Variants in UBA52 observed in about 807,000 individuals in gnomAD.
UBA52 encodes ubiquitin-ribosomal protein eL40 fusion protein.
Under a neutral mutation model 15.3 loss-of-function variants are expected in UBA52, and 1 was observed. The observed-to-expected ratio is 0.07, with a 90% confidence interval of 0.02 to 0.31. The LOEUF (loss-of-function observed/expected upper bound fraction) is 0.31. UBA52 is among the 10% of genes least tolerant of loss of function. The probability of loss-of-function intolerance (pLI) is 1.00; values close to 1 mark genes in which losing one functional copy is unlikely to be tolerated. For missense variants in UBA52, 87 were observed against 168.0 expected (o/e 0.52, Z 2.66); for synonymous variants, 50 against 58.3 (o/e 0.86, Z 0.65).
At chr19:18,572,853 C>A in intron 1 of UBA52, 1 of 1,028,660 alleles carries the variant, frequency 9.7e-7, no homozygotes, top group Non-Finnish European at 1.2e-6. Context: ...GATGGCTTCC[C>A]ATCCAGGCTG....
At chr19:18,565,774 G>A in the UBA52 span, among the ~76,000 whole-genome samples, 5 of 152,196 alleles carry the variant, frequency 3.3e-5, no homozygotes, top group East Asian at 7.7e-4. Flanking sequence ...TGCAACCTCC[G>A]CCTCCCAGGT....
chr19:18,566,900 T>C (rs192020139), upstream of UBA52, among the ~76,000 whole-genome samples: 135 of 151,914 alleles, frequency 8.9e-4, 1 homozygote, highest in African/African-American at 2.9e-3. Flanking sequence ...GTCTAACTAG[T>C]TGGGGGTTGG....
At chr19:18,567,338 G>A (rs1975297923), upstream of UBA52, 3 of 712,862 alleles carry the variant, frequency 4.2e-6, no homozygotes, top group Non-Finnish European at 7.4e-6. Flanking sequence ...GTGCTGGCCT[G>A]GTCCTGTCAG....
intron 3 of UBA52, 29 bp downstream of exon 3, chr19:18,573,777 AC>A: frequency 6.2e-7 from 1 of 1,606,424 alleles, no homozygotes; most frequent in Non-Finnish European, 8.5e-7. Flanking sequence ...CTGGGCAGGG[AC>A]CCAAGATCCC....
chr19:18,575,041 T>C lies in UBA52; in HGVS notation c.294-16T>C. 1.2e-6 allele frequency: 2 copies of C among 1,614,030 alleles called. No individual in the cohort carries two copies. The highest frequency in any genetic ancestry group is 1.7e-6 in the Non-Finnish European group (2 of 1,179,924). On this transcript the variant is annotated splice_polypyrimidine_tract_variant and intron_variant, in intron 4 of 4. Coordinates refer to ENST00000442744, the MANE Select transcript of UBA52 (RefSeq NM_001033930.3). ...GTCGGGGTATGCCCTCACCCACCCCTCCTGTCTCTGTGCAGGTGCTATGCT... is the reference window on the plus strand; with the variant it reads ...GTCGGGGTATGCCCTCACCCACCCCCCCTGTCTCTGTGCAGGTGCTATGCT...
At chr19:18,570,737 T>TA (rs1368490122), upstream of UBA52, among the ~76,000 whole-genome samples, 1 of 149,620 alleles carries the variant, frequency 6.7e-6, no homozygotes, top group Admixed American at 6.7e-5. Context: ...GCCCAGGCTG[T>TA]AGTGCAATGG....
In UBA52 at chr19:18,576,765, G is replaced by A. The variant is rs960070131; in HGVS notation, c.*1615G>A. On this transcript the variant is annotated 3_prime_UTR_variant, in exon 5 of 5. Coordinates refer to ENST00000442744, the MANE Select transcript of UBA52 (RefSeq NM_001033930.3). Reference sequence around the variant, plus strand: ...CAGCTTCTGCCTCTCGGGTTCAAGCGATTCTCCTTTCTCAGCCTCTTGAGT... The same window carrying A: ...CAGCTTCTGCCTCTCGGGTTCAAGCAATTCTCCTTTCTCAGCCTCTTGAGT... The A allele has an allele frequency of 6.6e-5, 10 of 150,830 alleles. No individual in the cohort carries two copies. The highest frequency in any genetic ancestry group is 2.2e-4 in the African/African-American group (9 of 40,906). 9.3% of individuals were successfully genotyped at this position (150,830 alleles called of 1,614,324 possible).
At chr19:18,574,803 G>T in intron 3 of UBA52, 67 bp from the exon 4 acceptor site, 1 of 1,589,012 alleles carries the variant, frequency 6.3e-7, no homozygotes, top group Admixed American at 1.7e-5. Context: ...GCCCTGGAGG[G>T]TCCTGCCCCT....
chr19:18,566,957 C>T (rs111939764), upstream of UBA52, among the ~76,000 whole-genome samples: 6 of 152,238 alleles, frequency 3.9e-5, no homozygotes, highest in South Asian at 2.1e-4. Context: ...CTGTCAGGGC[C>T]GTGGCTGCTG....
chr19:18,565,464 C>T, the UBA52 span, among the ~76,000 whole-genome samples: 12 of 152,092 alleles, frequency 7.9e-5, no homozygotes, highest in African/African-American at 7.2e-5. Flanking sequence ...GATCTCCTGA[C>T]CTCGTGATCC....
chr19:18,566,128 G>T, the UBA52 span, among the ~76,000 whole-genome samples: 1 of 152,018 alleles, frequency 6.6e-6, no homozygotes, highest in Non-Finnish European at 1.5e-5. Context: ...ATCATGCCCA[G>T]CCTTGCAGTT....
intron 3 of UBA52, among the ~76,000 whole-genome samples, chr19:18,574,282 A>T (rs1975665752): frequency 6.6e-6 from 1 of 151,046 alleles, no homozygotes; most frequent in African/African-American, 2.4e-5. Flanking sequence ...CACTTGTGGG[A>T]GCGACAAGAA....
chr19:18,568,992 A>G, upstream of UBA52: 1 of 273,664 alleles, frequency 3.7e-6, no homozygotes, highest in Non-Finnish European at 7.0e-6. Flanking sequence ...GTCCCCCACC[A>G]CCGGTCAGGA....
At chr19:18,565,430 C>T in the UBA52 span, among the ~76,000 whole-genome samples, 68,517 of 151,682 alleles carry the variant, frequency 0.45, 18,059 homozygotes, top group East Asian at 0.65. Context: ...GGGGTTTCAC[C>T]GTGTTAGTAG....
the UBA52 span, among the ~76,000 whole-genome samples, chr19:18,564,461 A>G: frequency 3.9e-5 from 6 of 152,086 alleles, no homozygotes; most frequent in African/African-American, 1.2e-4. Flanking sequence ...CTCTACTAAA[A>G]ATACAAAAAA....
Position 18,577,506 on chromosome 19 carries a change from A to C in UBA52, c.*2356A>C, listed in dbSNP as rs1975837065. ...TTTTTGAACTGTTAACACTCCCCGCAAAGGTCCGCAGCTTCATTCTTCAAA... is the reference window on the plus strand; with the variant it reads ...TTTTTGAACTGTTAACACTCCCCGCCAAGGTCCGCAGCTTCATTCTTCAAA... On this transcript the variant is annotated 3_prime_UTR_variant, in exon 5 of 5. Coordinates refer to ENST00000442744, the MANE Select transcript of UBA52 (RefSeq NM_001033930.3). The C allele has an allele frequency of 6.6e-6, 1 of 152,184 alleles. No homozygotes were observed. The highest frequency in any genetic ancestry group is 2.4e-5 in the African/African-American group (1 of 41,438). The allele number at this position is 152,184 out of a possible 1,614,324, so 9.4% of individuals were successfully genotyped here.
the UBA52 span, chr19:18,564,919 T>G: frequency 6.2e-7 from 1 of 1,613,760 alleles, no homozygotes; most frequent in Non-Finnish European, 8.5e-7. Flanking sequence ...TTCAACAACC[T>G]GTCCAGTGCC....
the UBA52 span, among the ~76,000 whole-genome samples, chr19:18,566,620 G>A: frequency 7.9e-5 from 12 of 151,558 alleles, no homozygotes; most frequent in Admixed American, 3.9e-4. Context: ...ATGAAATCCC[G>A]TCTCTACTAA....
chr19:18,573,366 C>T lies in UBA52; in HGVS notation c.66C>T (p.Thr22=). ...TITLEVEPSD[T]IENVKAKIQD... The stretch of plus-strand genomic sequence containing the variant: ...CCCTTGAGGTCGAGCCCAGTGACAC[C>T]ATTGAGAATGTCAAAGCCAAAATTC... The change falls in exon 2 of 5, where the codon ACC becomes ACT. Residue 22 remains threonine (T), a synonymous_variant. Transcript: ENST00000442744. 4 of 1,614,154 alleles carry T rather than the reference C, an allele frequency of 2.5e-6. No homozygotes were observed. The South Asian group carries it at 4.4e-5, about 18-fold the overall frequency.
Sources: gnomAD v4.1 joint callset for allele counts (sites outside exome capture counted in the v4.1 genomes callset) on GRCh38, gnomAD v4.1.1 for gene constraint, MANE v1.5 for transcripts, NCBI Gene and HGNC (gene_info 2026-07-23, HGNC 2026-07-21) for gene names.